Variants in REEP5 observed in about 807,000 individuals in gnomAD.
REEP5 encodes the protein receptor accessory protein 5.
In REEP5, 24 loss-of-function variants were observed where a neutral mutation model predicts 22.4. The observed-to-expected ratio is 1.07, with a 90% CI of 0.78 to 1.51. The LOEUF is 1.51. Among genes scored for constraint, REEP5 ranks in the 40% most tolerant of loss-of-function variants. REEP5 has a pLI of 0.00. For missense variants in REEP5, 252 were observed against 233.0 expected (o/e 1.08, Z -0.53); for synonymous variants, 103 against 88.6 (o/e 1.16, Z -0.92).
In REEP5 at chr5:112,909,900, T is replaced by C. The variant is rs192402850; in HGVS notation, c.213-7382A>G. 3.1e-3 allele frequency among the ~76,000 whole-genome samples: 472 copies of C among 152,350 alleles called. 2 individuals are homozygous for C. Among genetic ancestry groups the C allele is most frequent in the African/African-American group, 0.011 (441 of 41,590 alleles). On this transcript the variant is annotated intron_variant, in intron 2 of 4. Transcript: ENST00000379638. ...AATCTCCTTCCCAAATTAAGTGTCA[T>C]CTTTCAGAAAACCTAAGATATTCCC...
At chr5:112,897,767 CAT>C (rs1294289294) in intron 3 of REEP5, 1 of 152,150 alleles carries the variant, frequency 6.6e-6, no homozygotes, top group Admixed American at 6.5e-5. Flanking sequence ...AAATATTAAA[CAT>C]GTCCTCGGGC....
chr5:112,908,086 C>CTTTGTTTTTTTTTTTTT lies in REEP5; in HGVS notation c.213-5569_213-5568insAAAAAAAAAAAAACAAA, dbSNP rs1561657600. On this transcript the variant is annotated intron_variant, in intron 2 of 4. Coordinates refer to ENST00000379638, the MANE Select transcript of REEP5 (RefSeq NM_005669.5). Reference sequence around the variant, plus strand: ...TTTGGAAAAGAATGAGCATCAGAGACTTTCTTTGTTTTTTGTTTTTTTTTT... The same window carrying CTTTGTTTTTTTTTTTTT: ...TTTGGAAAAGAATGAGCATCAGAGACTTTGTTTTTTTTTTTTTTTTCTTTGTTTTTTGTTTTTTTTTT... Among the ~76,000 whole-genome samples the CTTTGTTTTTTTTTTTTT allele has an allele frequency of 1.3e-4, 10 of 76,766 alleles. 1 individual carries two copies. The highest frequency in any genetic ancestry group is 1.6e-4 in the Non-Finnish European group (6 of 37,954). The allele number at this position is 76,766 out of a possible 152,430, so 50.4% of individuals were successfully genotyped here.
At chr5:112,911,485 A>C (rs1434812603) in intron 2 of REEP5, among the ~76,000 whole-genome samples, 1 of 152,232 alleles carries the variant, frequency 6.6e-6, no homozygotes, top group Non-Finnish European at 1.5e-5. Flanking sequence ...TTGGAGGGAG[A>C]CAGGAAAGGG....
intron 2 of REEP5, among the ~76,000 whole-genome samples, chr5:112,917,197 G>A (rs1392447776): frequency 6.6e-6 from 1 of 152,234 alleles, no homozygotes; most frequent in East Asian, 1.9e-4. Context: ...GATTACAGAT[G>A]TGGGCCATCA....
intron 2 of REEP5, among the ~76,000 whole-genome samples, chr5:112,904,569 A>G (rs1281568977): frequency 1.3e-5 from 2 of 152,352 alleles, no homozygotes; most frequent in East Asian, 3.9e-4. Context: ...AATATGACGT[A>G]AAAACCTCAA....
At chr5:112,907,385 C>G (rs1768978625) in intron 2 of REEP5, among the ~76,000 whole-genome samples, 1 of 152,240 alleles carries the variant, frequency 6.6e-6, no homozygotes, top group Admixed American at 6.5e-5. Context: ...ATTCTCACCA[C>G]TGTTCTAAAG....
intron 2 of REEP5, among the ~76,000 whole-genome samples, chr5:112,905,929 T>C (rs543829132): frequency 5.3e-5 from 8 of 152,308 alleles, no homozygotes; most frequent in African/African-American, 1.9e-4. Context: ...AGGATACTTA[T>C]ATACCTTCTG....
chr5:112,877,775 G>C lies in REEP5; in HGVS notation c.*1011C>G, dbSNP rs1767942655. On this transcript the variant is annotated 3_prime_UTR_variant, in exon 5 of 5. Coordinates refer to ENST00000379638, the MANE Select transcript of REEP5 (RefSeq NM_005669.5). ...ACAAACAAGAACATACATGTAATCA[G>C]AGGTGGACAAATCTTCAGAAGTTCC... The C allele has an allele frequency of 6.6e-6, 1 of 152,158 alleles. No homozygotes were observed. Among genetic ancestry groups the C allele is most frequent in the African/African-American group, 2.4e-5 (1 of 41,426 alleles). 9.4% of individuals were successfully genotyped at this position (152,158 alleles called of 1,614,324 possible). A position where few individuals can be genotyped will look rare whatever the true frequency, so the allele number is the denominator to read the frequency against.
chr5:112,898,769 CA>C (rs1461497513), intron 3 of REEP5, among the ~76,000 whole-genome samples: 2 of 152,066 alleles, frequency 1.3e-5, no homozygotes, highest in African/African-American at 4.8e-5. Flanking sequence ...ATGTCATGTC[CA>C]AATTAAAGAT....
chr5:112,906,303 CTTAAAA>C (rs1768955384), intron 2 of REEP5, among the ~76,000 whole-genome samples: 1 of 152,224 alleles, frequency 6.6e-6, no homozygotes, highest in African/African-American at 2.4e-5. Context: ...TGGTCTTACA[CTTAAAA>C]TTAACTCCAA....
intron 4 of REEP5, among the ~76,000 whole-genome samples, chr5:112,884,741 G>A (rs867322005): frequency 2.0e-5 from 3 of 150,938 alleles, no homozygotes; most frequent in African/African-American, 7.4e-5. Flanking sequence ...TTTCCTAAAC[G>A]TCTCTATTTA....
chr5:112,914,133 C>A (rs1216644959), intron 2 of REEP5, among the ~76,000 whole-genome samples: 1 of 150,898 alleles, frequency 6.6e-6, no homozygotes, highest in Non-Finnish European at 1.5e-5. Context: ...CAGAGTGAGA[C>A]CCTGTCTCAA....
rs371390175 is a variant in REEP5 at position 112,879,718 on chromosome 5, T to C, written c.521-883A>G. Among the ~76,000 whole-genome samples, 102 of 152,136 alleles carry C rather than the reference T, an allele frequency of 6.7e-4. No individual in the cohort carries two copies. The South Asian group carries it at 0.018, about 27-fold the overall frequency. Reference sequence around the variant, plus strand: ...GTCTCAATTTCCTGACCTCGTGATCTGCCCGCCTTGGCCTCCCAAAGTGCT... The same window carrying C: ...GTCTCAATTTCCTGACCTCGTGATCCGCCCGCCTTGGCCTCCCAAAGTGCT... On this transcript the variant is annotated intron_variant, in intron 4 of 4. Transcript: ENST00000379638.
At chr5:112,906,825 C>A (rs933076408) in intron 2 of REEP5, among the ~76,000 whole-genome samples, 11 of 152,182 alleles carry the variant, frequency 7.2e-5, no homozygotes, top group Admixed American at 2.0e-4. Flanking sequence ...CCAGTCTTCA[C>A]AGCACCTGCC....
rs550784253 is a variant in REEP5, at chr5:112,920,158, A to G, written c.212+1005T>C. 2.6e-5 allele frequency among the ~76,000 whole-genome samples: 4 copies of G among 152,372 alleles called. No individual in the cohort carries two copies. The East Asian group carries it at 7.7e-4, about 29-fold the overall frequency. ...GTGTCTGTACCGGACTAACACAGTA[A>G]CAACTACTAGGTAACTGCAATTTAA... On this transcript the variant is annotated intron_variant, in intron 2 of 4. Transcript: ENST00000379638.
At chr5:112,901,515 C>G (rs987739754) in intron 3 of REEP5, among the ~76,000 whole-genome samples, 26 of 151,764 alleles carry the variant, frequency 1.7e-4, no homozygotes, top group African/African-American at 6.3e-4. Context: ...TCGAGAGCAC[C>G]CTGGCCAACA....
At chr5:112,917,177 A>G (rs1461095417) in intron 2 of REEP5, among the ~76,000 whole-genome samples, 2 of 152,216 alleles carry the variant, frequency 1.3e-5, no homozygotes, top group Non-Finnish European at 2.9e-5. Context: ...TCAGCACCCC[A>G]AAGTGCTGAG....
chr5:112,897,113 TACTC>T (rs1481409005), intron 3 of REEP5: 1 of 151,902 alleles, frequency 6.6e-6, no homozygotes, highest in African/African-American at 2.4e-5. Context: ...CATGAGAAAA[TACTC>T]AGAATACTGT....
Position 112,876,873 on chromosome 5 carries a change from T to G in REEP5, c.*1913A>C, listed in dbSNP as rs1767909778. The G allele has an allele frequency of 6.6e-6, 1 of 152,190 alleles. No individual in the cohort carries two copies. The highest frequency in any genetic ancestry group is 6.5e-5 in the Admixed American group (1 of 15,280). 9.4% of individuals were successfully genotyped at this position (152,190 alleles called of 1,614,324 possible). ...ATTTAATATAGTATTTTAAAACTAA[T>G]TTTAGCCTGTAAGTCATTATGAGCA... On this transcript the variant is annotated 3_prime_UTR_variant, in exon 5 of 5. Coordinates refer to ENST00000379638, the MANE Select transcript of REEP5 (RefSeq NM_005669.5).
Sources: gnomAD v4.1 joint callset for allele counts (sites outside exome capture counted in the v4.1 genomes callset) on GRCh38, gnomAD v4.1.1 for gene constraint, MANE v1.5 for transcripts, NCBI Gene and HGNC (gene_info 2026-07-23, HGNC 2026-07-21) for gene names.